The following UGT1A4 variants were observed in gnomAD, a reference collection of about 807,000 sequenced individuals.
UGT1A4 encodes the protein UDP-glucuronosyltransferase 1A4.
A neutral mutation model predicts 41.1 loss-of-function variants in UGT1A4; 32 were observed. The ratio of observed to expected loss-of-function variants is 0.78; its 90% CI spans 0.59 to 1.05. The LOEUF (loss-of-function observed/expected upper bound fraction) is 1.05. Among genes scored for constraint, UGT1A4 ranks in the 50% least tolerant of loss-of-function variants. The probability of loss-of-function intolerance (pLI) is 0.00; values close to 1 mark genes in which losing one functional copy is unlikely to be tolerated. For synonymous variants in UGT1A4, 283 were observed against 265.1 expected (o/e 1.07, Z -0.66); for missense variants, 748 against 677.4 (o/e 1.10, Z -1.16).
chr2:233,720,440 T>C (rs2076859739), intron 1 of UGT1A4, among the ~76,000 whole-genome samples: 1 of 152,036 alleles, frequency 6.6e-6, no homozygotes, highest in Non-Finnish European at 1.5e-5. Flanking sequence ...CGTGAATCTA[T>C]AAGCCCAGTG....
At chr2:233,742,982 A>G (rs555126231) in intron 1 of UGT1A4, 1 of 227,728 alleles carries the variant, frequency 4.4e-6, no homozygotes, top group South Asian at 6.4e-5. Context: ...TAAGTTTAAT[A>G]AATAGCAAAT....
chr2:233,725,053 GGC>G (rs1559369994), intron 1 of UGT1A4, among the ~76,000 whole-genome samples: 2 of 147,608 alleles, frequency 1.4e-5, no homozygotes, highest in African/African-American at 5.1e-5. Flanking sequence ...CAGGCGTGGC[GGC>G]GCGCGCCTGC....
intron 1 of UGT1A4, chr2:233,747,959 C>T: frequency 6.2e-7 from 1 of 1,613,522 alleles, no homozygotes; most frequent in Non-Finnish European, 8.5e-7. Context: ...TGGATCTTCT[C>T]AGCCATGCAT....
chr2:233,754,715 GCCTGTC>G, intron 1 of UGT1A4: 1 of 549,762 alleles, frequency 1.8e-6, no homozygotes, highest in Non-Finnish European at 3.3e-6. Flanking sequence ...ACTTGAAGCT[GCCTGTC>G]CCATCACTAC....
rs1174769439 is a variant in UGT1A4, at chr2:233,773,222, A to G, written c.*663A>G. On this transcript the variant is annotated 3_prime_UTR_variant, in exon 5 of 5. Coordinates refer to ENST00000373409, the MANE Select transcript of UGT1A4 (RefSeq NM_007120.3). ...TTTGATAAAAACCCAAAATACAGCTATGAAGTGCTGGGCAAGTTTACTTTT... is the reference window on the plus strand; with the variant it reads ...TTTGATAAAAACCCAAAATACAGCTGTGAAGTGCTGGGCAAGTTTACTTTT... 2 of 152,386 alleles carry G rather than the reference A, an allele frequency of 1.3e-5. No homozygotes were observed. Among genetic ancestry groups the G allele is most frequent in the African/African-American group, 4.8e-5 (2 of 41,470 alleles). 9.4% of individuals were successfully genotyped at this position (152,386 alleles called of 1,614,324 possible).
intron 1 of UGT1A4, among the ~76,000 whole-genome samples, chr2:233,746,975 C>G (rs1401004389): frequency 6.6e-6 from 1 of 151,722 alleles, no homozygotes; most frequent in Non-Finnish European, 1.5e-5. Context: ...TTCCCCAGAG[C>G]GAGCGCAGGG....
Position 233,729,252 on chromosome 2 carries a change from C to T in UGT1A4, c.867+9565C>T, listed in dbSNP as rs1553613077. ...TGCCCATTGATGGCAGCCACTGGCT[C>T]AGCATGCGGGAGGTCTTGCGGGAGC... On this transcript the variant is annotated intron_variant, in intron 1 of 4. Coordinates refer to ENST00000373409, the MANE Select transcript of UGT1A4 (RefSeq NM_007120.3). 65 of 1,614,244 alleles carry T rather than the reference C, an allele frequency of 4.0e-5. 3 individuals carry two copies. The South Asian group carries it at 6.7e-4, about 17-fold the overall frequency.
intron 1 of UGT1A4, chr2:233,760,907 T>A: frequency 6.2e-7 from 1 of 1,614,208 alleles, no homozygotes. Context: ...ATGACCTTCC[T>A]GCAGCGGGTG....
chr2:233,737,724 T>C (rs2078915957), intron 1 of UGT1A4, among the ~76,000 whole-genome samples: 1 of 152,142 alleles, frequency 6.6e-6, no homozygotes, highest in South Asian at 2.1e-4. Flanking sequence ...ACACCTCCTT[T>C]TTTTTTCCTT....
chr2:233,751,466 T>C (rs1694736440), intron 1 of UGT1A4, among the ~76,000 whole-genome samples: 1 of 152,134 alleles, frequency 6.6e-6, no homozygotes. Context: ...GAAGGCACGA[T>C]TGGTTTTGAA....
At position 233,773,024 on chromosome 2, in the gene UGT1A4, G is replaced by A. The variant is rs1575873040; in HGVS notation, c.*465G>A. 2 of 199,282 alleles carry A rather than the reference G, an allele frequency of 1.0e-5. No homozygotes were observed. The highest frequency in any genetic ancestry group is 5.3e-5 in the Admixed American group (1 of 18,910). The allele number at this position is 199,282 out of a possible 1,614,324, so 12.3% of individuals were successfully genotyped here. On this transcript the variant is annotated 3_prime_UTR_variant, in exon 5 of 5. Coordinates refer to ENST00000373409, the MANE Select transcript of UGT1A4 (RefSeq NM_007120.3). ...GTGCTTCATAGGTGCCACCTTGTGT[G>A]TTTAAAGAAGGGAAGCTTTGTACCT... is the stretch of plus-strand genomic sequence containing the variant.
At chr2:233,732,419 C>T (rs1270659145) in intron 1 of UGT1A4, among the ~76,000 whole-genome samples, 4 of 152,190 alleles carry the variant, frequency 2.6e-5, no homozygotes, top group Non-Finnish European at 5.9e-5. Context: ...CCTAGGTTTT[C>T]TTCTAGGATT....
At chr2:233,755,919 G>T (rs1439576672) in intron 1 of UGT1A4, 1 of 148,990 alleles carries the variant, frequency 6.7e-6, no homozygotes, top group Non-Finnish European at 1.5e-5. Context: ...GAGAAGAGTG[G>T]CATCGTTTTA....
chr2:233,747,375 G>A, intron 1 of UGT1A4: 1 of 1,604,748 alleles, frequency 6.2e-7, no homozygotes, highest in Non-Finnish European at 8.5e-7. Flanking sequence ...CCATGCCAGA[G>A]GCCACCAGGC....
intron 1 of UGT1A4, among the ~76,000 whole-genome samples, chr2:233,720,958 G>A (rs777333216): frequency 6.0e-5 from 9 of 149,038 alleles, no homozygotes; most frequent in African/African-American, 1.0e-4. Flanking sequence ...TGATCTGCCC[G>A]CCTCGGCCTC....
Position 233,768,305 on chromosome 2 carries a change from G to A in UGT1A4, c.1173G>A (p.Met391Ile), listed in dbSNP as rs1559415443. The A allele has an allele frequency of 1.2e-6, 2 of 1,614,084 alleles. No homozygotes were observed. Among genetic ancestry groups the A allele is most frequent in the Admixed American group, 1.7e-5 (1 of 59,988 alleles). ...TATGCAATGGCGTTCCCATGGTGAT[G>A]ATGCCCTTGTTTGGTGATCAGATGG... is the stretch of plus-strand genomic sequence containing the variant. ...ESICNGVPMV[M>I]MPLFGDQMDN... The change falls in exon 4 of 5, where the codon ATG becomes ATA. Residue 391 changes from methionine to isoleucine, a missense_variant. By Grantham distance (10) the Met-to-Ile change is conservative. Transcript: ENST00000373409.
chr2:233,772,155 C>T, intron 4 of UGT1A4, 107 bp from the exon 5 acceptor site: 1 of 1,559,740 alleles, frequency 6.4e-7, no homozygotes, highest in Non-Finnish European at 8.7e-7. Context: ...GGTTTCCTTT[C>T]CCAAGTTTGG....
chr2:233,729,217 GT>G, intron 1 of UGT1A4: 1 of 1,614,140 alleles, frequency 6.2e-7, no homozygotes, highest in Non-Finnish European at 8.5e-7. Context: ...GAGTGGAAAG[GT>G]GTTGGTGGTG....
intron 4 of UGT1A4, 143 bp downstream of exon 4, chr2:233,768,582 CTTTTTT>C (rs139595073): frequency 4.6e-4 from 479 of 1,031,596 alleles, no homozygotes; most frequent in East Asian, 1.4e-3. Context: ...TTTATTTCTT[CTTTTTT>C]TTTTTTTTTT....
Sources: gnomAD v4.1 joint callset for allele counts (sites outside exome capture counted in the v4.1 genomes callset) on GRCh38, gnomAD v4.1.1 for gene constraint, MANE v1.5 for transcripts, NCBI Gene and HGNC (gene_info 2026-07-23, HGNC 2026-07-21) for gene names.